The following LTBP1 variants were observed in gnomAD, a reference collection of about 807,000 sequenced individuals.
LTBP1 encodes the protein latent transforming growth factor beta binding protein 1.
Under a neutral mutation model 207.6 loss-of-function variants are expected in LTBP1, and 129 were observed. The ratio of observed to expected loss-of-function variants is 0.62; its 90% CI spans 0.54 to 0.72. The LOEUF is 0.72. LTBP1 is among the 30% of genes least tolerant of loss of function. LTBP1 has a pLI of 0.00. For missense variants in LTBP1, 2,281 were observed against 2,217.2 expected (o/e 1.03, Z -0.58); for synonymous variants, 963 against 833.7 (o/e 1.16, Z -2.67).
At chr2:33,105,685 G>A (rs372686561) in intron 3 of LTBP1, among the ~76,000 whole-genome samples, 8 of 152,188 alleles carry the variant, frequency 5.3e-5, no homozygotes, top group Admixed American at 3.3e-4. Flanking sequence ...CACCCGCTTC[G>A]GCCTCGCAAA....
chr2:33,238,625 T>C (rs1300453684), intron 9 of LTBP1, among the ~76,000 whole-genome samples: 2 of 152,196 alleles, frequency 1.3e-5, no homozygotes, highest in Non-Finnish European at 2.9e-5. Flanking sequence ...CTGGGTAACA[T>C]AACATTTTGT....
chr2:33,342,502 G>T (rs1008107819), intron 24 of LTBP1, among the ~76,000 whole-genome samples: 3 of 152,184 alleles, frequency 2.0e-5, no homozygotes, highest in African/African-American at 7.2e-5. Context: ...TGTTTTCTCT[G>T]TAGGAATATA....
chr2:33,205,738 G>A (rs778395301), intron 7 of LTBP1, among the ~76,000 whole-genome samples: 5 of 152,152 alleles, frequency 3.3e-5, no homozygotes, highest in African/African-American at 4.8e-5. Flanking sequence ...TTCATATGTT[G>A]AAGCCCCAAA....
chr2:33,033,418 C>T (rs558978189), intron 3 of LTBP1, among the ~76,000 whole-genome samples: 66 of 152,240 alleles, frequency 4.3e-4, no homozygotes, highest in African/African-American at 1.5e-3. Flanking sequence ...TTCTGAATTG[C>T]AGACAGCATG....
intron 7 of LTBP1, among the ~76,000 whole-genome samples, chr2:33,190,470 G>T (rs1211862835): frequency 6.6e-6 from 1 of 152,152 alleles, no homozygotes; most frequent in African/African-American, 2.4e-5. Context: ...AGGAGAAGGA[G>T]GGGAGATTGT....
intron 24 of LTBP1, among the ~76,000 whole-genome samples, chr2:33,320,913 C>A (rs890444609): frequency 6.6e-6 from 1 of 152,106 alleles, no homozygotes. Flanking sequence ...GAACCTAAAA[C>A]TGCTCTTAAA....
intron 9 of LTBP1, among the ~76,000 whole-genome samples, chr2:33,236,387 G>A (rs1326608271): frequency 6.6e-6 from 1 of 152,152 alleles, no homozygotes; most frequent in Non-Finnish European, 1.5e-5. Context: ...AACTACTGCT[G>A]CACTTTCTAG....
chr2:33,127,228 C>G (rs1558671062), intron 4 of LTBP1, among the ~76,000 whole-genome samples: 1 of 151,870 alleles, frequency 6.6e-6, no homozygotes, highest in Non-Finnish European at 1.5e-5. Context: ...TGTCTTTTGA[C>G]TCTTTTTTTT....
chr2:33,029,863 ATTGT>A (rs1276702286), intron 3 of LTBP1, among the ~76,000 whole-genome samples: 3 of 152,240 alleles, frequency 2.0e-5, no homozygotes, highest in Non-Finnish European at 4.4e-5. Flanking sequence ...TTGACCAGAA[ATTGT>A]TTATTTTCAA....
chr2:33,242,601 A>G (rs533767555), intron 9 of LTBP1, among the ~76,000 whole-genome samples: 140 of 149,830 alleles, frequency 9.3e-4, no homozygotes, highest in African/African-American at 3.2e-3. Flanking sequence ...TTAGATTAGG[A>G]GCCTCCCAGA....
At chr2:33,349,498 C>T (rs1361086835) in intron 26 of LTBP1, among the ~76,000 whole-genome samples, 2 of 151,696 alleles carry the variant, frequency 1.3e-5, no homozygotes, top group Non-Finnish European at 2.9e-5. Flanking sequence ...AGGCTGTGGT[C>T]TTTTTTTGTG....
Position 32,947,336 on chromosome 2 carries a change from C to T in LTBP1, c.12C>T (p.Ala4=). ...CGCTGGGGCCCGCGATGGCGGGGGC[C>T]TGGCTCAGGTGGGGGCTCCTGCTCT... The part of the protein sequence containing the change: MAG[A]WLRWGLLLWA... The change falls in exon 1 of 34, where the codon GCC becomes GCT. Residue 4 remains alanine, a synonymous_variant. Transcript: ENST00000404816. The T allele has an allele frequency of 1.6e-6, 2 of 1,244,580 alleles. No homozygotes were observed. Among genetic ancestry groups the T allele is most frequent in the South Asian group, 6.3e-5 (2 of 31,994 alleles). The allele number at this position is 1,244,580 out of a possible 1,614,324, so 77.1% of individuals were successfully genotyped here.
intron 10 of LTBP1, among the ~76,000 whole-genome samples, chr2:33,245,439 CT>C (rs2092478604): frequency 6.6e-6 from 1 of 152,154 alleles, no homozygotes; most frequent in Non-Finnish European, 1.5e-5. Flanking sequence ...AATGTTATCA[CT>C]AATTACTACT....
At chr2:33,255,196 C>G (rs571633704) in intron 11 of LTBP1, among the ~76,000 whole-genome samples, 37 of 148,092 alleles carry the variant, frequency 2.5e-4, no homozygotes, top group African/African-American at 9.0e-4. Flanking sequence ...TTTGTTCTTG[C>G]GATAGTTTAC....
At position 32,947,782 on chromosome 2, in the gene LTBP1, C is replaced by T; in HGVS notation, c.458C>T (p.Ser153Phe). Residue 153 changes from serine (S) to phenylalanine (F), a missense_variant, in exon 1 of 34, where the codon TCT (serine) becomes TTT (phenylalanine). Coordinates refer to ENST00000404816, the MANE Select transcript of LTBP1 (RefSeq NM_206943.4). The stretch of plus-strand genomic sequence containing the variant: ...CAGGAGACCCAGAGCGGCGGAGGCT[C>T]TAGGCTGCAGGTTCACCAGAAGCAG... ...VPQETQSGGG[S>F]RLQVHQKQQL... 2 of 1,499,560 alleles carry T rather than the reference C, an allele frequency of 1.3e-6. No homozygotes were observed. The highest frequency in any genetic ancestry group is 1.8e-6 in the Non-Finnish European group (2 of 1,121,274). 92.9% of individuals were successfully genotyped at this position (1,499,560 alleles called of 1,614,324 possible). A position where few individuals can be genotyped will look rare whatever the true frequency, so the allele number is the denominator to read the frequency against.
intron 31 of LTBP1, among the ~76,000 whole-genome samples, chr2:33,375,042 C>G (rs1466681119): frequency 6.6e-6 from 1 of 152,216 alleles, no homozygotes; most frequent in African/African-American, 2.4e-5. Flanking sequence ...TTACTACTCT[C>G]AAAAGATTAT....
At chr2:33,360,986 T>TAAGAA (rs2094921325) in intron 27 of LTBP1, among the ~76,000 whole-genome samples, 1 of 152,252 alleles carries the variant, frequency 6.6e-6, no homozygotes, top group African/African-American at 2.4e-5. Context: ...GACAGTCAGG[T>TAAGAA]TCTTTGTGAT....
chr2:32,962,477 G>A (rs778828829), intron 2 of LTBP1, among the ~76,000 whole-genome samples: 35 of 152,084 alleles, frequency 2.3e-4, no homozygotes, highest in Non-Finnish European at 4.1e-4. Context: ...CCTACACAGC[G>A]GTTCTCTTTA....
chr2:33,350,486 A>G (rs1488744781), intron 26 of LTBP1, among the ~76,000 whole-genome samples: 1 of 152,254 alleles, frequency 6.6e-6, no homozygotes, highest in Non-Finnish European at 1.5e-5. Context: ...ACCCACTGGC[A>G]GAAGAGCACC....
Sources: allele counts gnomAD v4.1 joint callset (sites outside exome capture counted in the v4.1 genomes callset), GRCh38; gene constraint gnomAD v4.1.1; transcripts MANE v1.5; gene names NCBI Gene and HGNC (gene_info 2026-07-23, HGNC 2026-07-21).